USH2A: variants seen among roughly 807,000 people sequenced by gnomAD.
USH2A encodes Usher syndrome 2A (autosomal recessive, mild).
In USH2A, 443 loss-of-function variants were observed where a neutral mutation model predicts 538.9. The ratio of observed to expected loss-of-function variants is 0.82; its 90% confidence interval spans 0.76 to 0.89. The LOEUF is 0.89. Among genes scored for constraint, USH2A ranks in the 40% least tolerant of loss-of-function variants. The pLI is 0.00. For synonymous variants in USH2A, 2,413 were observed against 2,273.5 expected, an observed-to-expected ratio of 1.06 and a Z score of -1.75; for missense variants, 6,633 against 6,324.8, an observed-to-expected ratio of 1.05 and a Z score of -1.65.
In USH2A at chr1:216,052,144, C is replaced by T. The variant is rs80014034; in HGVS notation, c.6050-3497G>A. Among the ~76,000 whole-genome samples the T allele has an allele frequency of 4.1e-4, 63 of 152,194 alleles. No homozygotes were observed. The East Asian group carries it at 0.012, about 28-fold the overall frequency. On this transcript the variant is annotated intron_variant, in intron 30 of 71. Transcript: ENST00000307340. ...AAGGACCTTAAAAGCAAGCACTGCTCATCTCAGCAAACTTGCTTCTTCAGC... is the reference window on the plus strand; with the variant it reads ...AAGGACCTTAAAAGCAAGCACTGCTTATCTCAGCAAACTTGCTTCTTCAGC...
At chr1:216,016,014 TA>T (rs1265696224) in intron 32 of USH2A, among the ~76,000 whole-genome samples, 10 of 152,042 alleles carry the variant, frequency 6.6e-5, no homozygotes, top group Admixed American at 3.9e-4. Flanking sequence ...TATGTAGCCA[TA>T]AAAAAGGATG....
intron 21 of USH2A, among the ~76,000 whole-genome samples, chr1:216,097,916 C>G (rs1341483113): frequency 1.3e-5 from 2 of 151,776 alleles, no homozygotes; most frequent in Admixed American, 1.3e-4. Flanking sequence ...ATGTCACCCC[C>G]CTACCATTAC....
At chr1:215,813,697 T>C (rs1662768428) in intron 49 of USH2A, 39 bp downstream of exon 49, 1 of 1,613,164 alleles carries the variant, frequency 6.2e-7, no homozygotes, top group Non-Finnish European at 8.5e-7. Context: ...TGTTTTCAGG[T>C]TCCCATAGTT....
At chr1:216,421,717 C>A (rs1248882755) in intron 2 of USH2A, 135 bp downstream of exon 2, 1 of 1,382,144 alleles carries the variant, frequency 7.2e-7, no homozygotes, top group African/African-American at 1.5e-5. Context: ...ATTGGGGAAA[C>A]AACTGGAAGA....
At chr1:215,993,856 T>C (rs904254689) in intron 34 of USH2A, among the ~76,000 whole-genome samples, 1 of 152,130 alleles carries the variant, frequency 6.6e-6, no homozygotes, top group Non-Finnish European at 1.5e-5. Flanking sequence ...AACTCTCTGT[T>C]CCCTAATTAA....
intron 21 of USH2A, among the ~76,000 whole-genome samples, chr1:216,098,215 T>A (rs2032492781): frequency 2.0e-5 from 3 of 152,228 alleles, no homozygotes; most frequent in African/African-American, 7.2e-5. Flanking sequence ...TTGCCCTGTA[T>A]AAGGCTTTTT....
At chr1:215,991,434 T>TA (rs1393746507) in intron 35 of USH2A, among the ~76,000 whole-genome samples, 1 of 151,828 alleles carries the variant, frequency 6.6e-6, no homozygotes, top group Non-Finnish European at 1.5e-5. Context: ...AACAAAAAGC[T>TA]AAAAAATTGG....
In USH2A at chr1:215,743,309, C is replaced by T; in HGVS notation, c.11416G>A (p.Glu3806Lys). 6.2e-7 allele frequency: 1 copy of T among 1,603,296 alleles called. No individual in the cohort carries two copies. The highest frequency in any genetic ancestry group is 8.5e-7 in the Non-Finnish European group (1 of 1,175,704). ...PGILIPEIPVEYNVLLNDGSV... is the reference protein window; with the variant it reads ...PGILIPEIPVKYNVLLNDGSV... ...CCATCATTGAGTAAGACATTGTACTCCACAGGAATTTCGGGGATGAGGATC... is the reference window on the plus strand; with the variant it reads ...CCATCATTGAGTAAGACATTGTACTTCACAGGAATTTCGGGGATGAGGATC... Residue 3806 changes from glutamate (E) to lysine (K), a missense_variant, in exon 59 of 72, where the codon GAG becomes AAG. By Grantham distance (56) the Glu-to-Lys change is moderately conservative. Transcript: ENST00000307340.
chr1:215,838,305 T>A (rs1190657818), intron 46 of USH2A, among the ~76,000 whole-genome samples: 4 of 152,174 alleles, frequency 2.6e-5, no homozygotes, highest in Non-Finnish European at 5.9e-5. Context: ...GGGATCAAGA[T>A]AATTGATTTA....
Position 216,249,455 on chromosome 1 carries a change from T to C in USH2A, c.2167+1448A>G, listed in dbSNP as rs138835661. Among the ~76,000 whole-genome samples, 148 of 152,306 alleles carry C rather than the reference T, an allele frequency of 9.7e-4. 1 individual carries two copies. Among genetic ancestry groups the C allele is most frequent in the Middle Eastern group, 3.4e-3 (1 of 294 alleles). On this transcript the variant is annotated intron_variant, in intron 12 of 71. Transcript: ENST00000307340. ...TCTTGCTTTAACTTTTGTTTTCACA[T>C]CTTGAGTTTAAAATATATCTCACAT... is the stretch of plus-strand genomic sequence containing the variant.
intron 38 of USH2A, among the ~76,000 whole-genome samples, chr1:215,920,004 C>T (rs1666057170): frequency 2.0e-5 from 3 of 151,902 alleles, no homozygotes; most frequent in Admixed American, 2.0e-4. Context: ...AGTTGTTGTT[C>T]CCTTAGGTAC....
At chr1:216,099,263 A>C (rs1386977274) in intron 21 of USH2A, among the ~76,000 whole-genome samples, 1 of 152,014 alleles carries the variant, frequency 6.6e-6, no homozygotes, top group Non-Finnish European at 1.5e-5. Flanking sequence ...GCCTGCTTGA[A>C]TGTTGTGTTC....
At chr1:215,857,222 G>A (rs1664193939) in intron 44 of USH2A, among the ~76,000 whole-genome samples, 1 of 152,138 alleles carries the variant, frequency 6.6e-6, no homozygotes, top group Non-Finnish European at 1.5e-5. Context: ...ATAAGGAAGA[G>A]ATACAGCTAT....
intron 32 of USH2A, among the ~76,000 whole-genome samples, chr1:216,039,288 G>T (rs138065537): frequency 2.0e-5 from 3 of 152,072 alleles, no homozygotes; most frequent in East Asian, 1.9e-4. Context: ...TAGTAATTTG[G>T]CTTTGAAGGC....
At chr1:216,050,530 C>T (rs755796589) in intron 30 of USH2A, among the ~76,000 whole-genome samples, 14 of 147,534 alleles carry the variant, frequency 9.5e-5, no homozygotes, top group Non-Finnish European at 1.8e-4. Context: ...TCAGTTTCTG[C>T]CTCTACATGC....
chr1:216,214,850 G>C (rs950052608), intron 15 of USH2A, among the ~76,000 whole-genome samples: 5 of 152,010 alleles, frequency 3.3e-5, no homozygotes, highest in African/African-American at 1.2e-4. Context: ...GTGGCTAATT[G>C]TATACGTGTG....
intron 4 of USH2A, among the ~76,000 whole-genome samples, chr1:216,336,567 T>A (rs571535927): frequency 6.6e-6 from 1 of 151,582 alleles, no homozygotes; most frequent in Non-Finnish European, 1.5e-5. Context: ...GAAAATCAAT[T>A]GCATACCTAC....
intron 11 of USH2A, among the ~76,000 whole-genome samples, chr1:216,257,010 A>T: frequency 6.6e-6 from 1 of 151,946 alleles, no homozygotes; most frequent in East Asian, 1.9e-4. Flanking sequence ...TACACATGTT[A>T]TAAAACTTTT....
intron 58 of USH2A, among the ~76,000 whole-genome samples, chr1:215,755,456 A>C (rs563607025): frequency 1.4e-4 from 22 of 152,232 alleles, no homozygotes; most frequent in Non-Finnish European, 2.8e-4. Context: ...CAGGAATAGA[A>C]ACATGTTTTT....
Sources: gnomAD v4.1 joint callset for allele counts (sites outside exome capture counted in the v4.1 genomes callset) on GRCh38, gnomAD v4.1.1 for gene constraint, MANE v1.5 for transcripts, NCBI Gene and HGNC (gene_info 2026-07-23, HGNC 2026-07-21) for gene names.